PTPRT: variants seen among roughly 807,000 people sequenced by gnomAD.
The protein encoded by PTPRT is receptor-type tyrosine-protein phosphatase T.
Under a neutral mutation model 176.8 loss-of-function variants are expected in PTPRT, and 56 were observed. The observed-to-expected ratio is 0.32, with a 90% CI of 0.26 to 0.40. The LOEUF (loss-of-function observed/expected upper bound fraction) is 0.40. Ranked by LOEUF, PTPRT falls within the 10% of genes least tolerant of loss-of-function variation. PTPRT has a pLI of 1.00. For synonymous variants in PTPRT, 783 were observed against 739.0 expected (o/e 1.06, Z -0.96); for missense variants, 1,540 against 1,908.2 (o/e 0.81, Z 3.60).
chr20:42,533,381 G>A (rs916322919), intron 7 of PTPRT, among the ~76,000 whole-genome samples: 1 of 152,170 alleles, frequency 6.6e-6, no homozygotes, highest in South Asian at 2.1e-4. Context: ...TCTCTCTCAG[G>A]AATCTTGATC....
At chr20:42,630,769 G>C (rs1174576273) in intron 7 of PTPRT, among the ~76,000 whole-genome samples, 1 of 152,156 alleles carries the variant, frequency 6.6e-6, no homozygotes, top group African/African-American at 2.4e-5. Flanking sequence ...TGCCATGCAG[G>C]CCTAAGTGAA....
intron 1 of PTPRT, among the ~76,000 whole-genome samples, chr20:43,115,172 T>C (rs2013010286): frequency 6.6e-6 from 1 of 152,192 alleles, no homozygotes; most frequent in Admixed American, 6.5e-5. Flanking sequence ...GAGAAGGACA[T>C]GGCCTCCTCC....
At chr20:42,313,414 G>A (rs2057666587) in intron 12 of PTPRT, among the ~76,000 whole-genome samples, 1 of 152,004 alleles carries the variant, frequency 6.6e-6, no homozygotes, top group African/African-American at 2.4e-5. Context: ...CTTGGAGTCT[G>A]GATCAGGACC....
intron 6 of PTPRT, among the ~76,000 whole-genome samples, chr20:42,692,154 T>A (rs1156817423): frequency 6.6e-6 from 1 of 152,160 alleles, no homozygotes; most frequent in African/African-American, 2.4e-5. Context: ...TTTACACAAA[T>A]TATTTCAGAG....
In PTPRT at chr20:42,448,338, T is replaced by G; in HGVS notation, c.1451-9A>C. 6.3e-7 allele frequency: 1 copy of G among 1,596,358 alleles called. No individual in the cohort carries two copies. The highest frequency in any genetic ancestry group is 8.6e-7 in the Non-Finnish European group (1 of 1,164,034). On this transcript the variant is annotated splice_polypyrimidine_tract_variant and intron_variant, in intron 8 of 30. Coordinates refer to ENST00000373187, the MANE Select transcript of PTPRT (RefSeq NM_007050.6). ...AGGAACAGCTCCTGGAACTACAGAA[T>G]GGAAAAGTTATGAACTTGATGTCAC...
intron 2 of PTPRT, among the ~76,000 whole-genome samples, chr20:42,880,899 T>C (rs1331529195): frequency 6.6e-6 from 1 of 152,202 alleles, no homozygotes; most frequent in African/African-American, 2.4e-5. Context: ...CAAATAACAG[T>C]AGGTGTGTGT....
chr20:43,142,354 G>A (rs6065581), intron 1 of PTPRT, among the ~76,000 whole-genome samples: 66,914 of 152,118 alleles, frequency 0.44, 16,351 homozygotes, highest in Non-Finnish European at 0.56. Context: ...CCCCGGGCAG[G>A]ATTTGAAAGT....
At chr20:42,899,703 C>T (rs898528445) in intron 1 of PTPRT, among the ~76,000 whole-genome samples, 2 of 152,244 alleles carry the variant, frequency 1.3e-5, no homozygotes, top group East Asian at 1.9e-4. Flanking sequence ...GAGCCTAGTA[C>T]TTTAACTCTT....
At chr20:42,805,514 G>A (rs775198916) in intron 2 of PTPRT, among the ~76,000 whole-genome samples, 13 of 152,138 alleles carry the variant, frequency 8.5e-5, no homozygotes, top group Admixed American at 2.6e-4. Flanking sequence ...TGTAGGCCCC[G>A]GGAGTACAGC....
At chr20:43,186,019 G>A (rs189512933) in intron 1 of PTPRT, among the ~76,000 whole-genome samples, 6 of 152,148 alleles carry the variant, frequency 3.9e-5, no homozygotes, top group Admixed American at 1.3e-4. Context: ...TGCCCCACCC[G>A]CCTTGGCCTG....
Position 42,395,040 on chromosome 20 carries a change from A to C in PTPRT, c.1561-42755T>G, listed in dbSNP as rs561339665. ...TCTGCTGGACAAGTGTGAGGAAAGC[A>C]GTGACCCATGCTAACTGGTCTCGTT... is the stretch of plus-strand genomic sequence containing the variant. On this transcript the variant is annotated intron_variant, in intron 9 of 30. Coordinates refer to ENST00000373187, the MANE Select transcript of PTPRT (RefSeq NM_007050.6). 3.0e-4 allele frequency among the ~76,000 whole-genome samples: 46 copies of C among 152,304 alleles called. 1 individual carries two copies. The South Asian group carries it at 8.3e-3, about 27-fold the overall frequency.
At chr20:43,051,909 A>C (rs1453039429) in intron 1 of PTPRT, among the ~76,000 whole-genome samples, 1 of 152,230 alleles carries the variant, frequency 6.6e-6, no homozygotes, top group Non-Finnish European at 1.5e-5. Context: ...GAAAACAATT[A>C]TCAAAAAAAA....
intron 1 of PTPRT, among the ~76,000 whole-genome samples, chr20:42,953,136 G>A (rs1449113098): frequency 2.0e-5 from 3 of 152,206 alleles, no homozygotes; most frequent in African/African-American, 4.8e-5. Context: ...AGTTCTGAGG[G>A]TGGAGGAAAG....
At chr20:42,554,703 C>T (rs1252447339) in intron 7 of PTPRT, among the ~76,000 whole-genome samples, 6 of 152,096 alleles carry the variant, frequency 3.9e-5, no homozygotes, top group Admixed American at 3.9e-4. Flanking sequence ...AATCATTAAG[C>T]ATCATTGGAA....
chr20:42,265,581 T>G (rs771211722), intron 13 of PTPRT, among the ~76,000 whole-genome samples: 2 of 152,194 alleles, frequency 1.3e-5, no homozygotes, highest in African/African-American at 2.4e-5. Context: ...CCCCTGCCTC[T>G]GCTGCCTGTC....
intron 8 of PTPRT, among the ~76,000 whole-genome samples, chr20:42,465,133 T>C (rs2071082441): frequency 7.3e-6 from 1 of 136,352 alleles, no homozygotes; most frequent in Non-Finnish European, 1.6e-5. Context: ...TTTCCTTATT[T>C]GTAAAATAGA....
At chr20:42,490,628 T>C in intron 7 of PTPRT, among the ~76,000 whole-genome samples, 1 of 152,168 alleles carries the variant, frequency 6.6e-6, no homozygotes, top group East Asian at 1.9e-4. Context: ...AAAAGGATTA[T>C]CATATCATCT....
chr20:42,939,758 A>T (rs1239182432), intron 1 of PTPRT, among the ~76,000 whole-genome samples: 1 of 152,218 alleles, frequency 6.6e-6, no homozygotes, highest in Non-Finnish European at 1.5e-5. Flanking sequence ...AAATGATATT[A>T]TTATTAATGA....
At chr20:42,802,284 A>T (rs1236539457) in intron 2 of PTPRT, among the ~76,000 whole-genome samples, 1 of 152,224 alleles carries the variant, frequency 6.6e-6, no homozygotes, top group Non-Finnish European at 1.5e-5. Context: ...ATTTGGGCGA[A>T]TCAACAAATG....
Sources: gnomAD v4.1 joint callset for allele counts (sites outside exome capture counted in the v4.1 genomes callset) on GRCh38, gnomAD v4.1.1 for gene constraint, MANE v1.5 for transcripts, NCBI Gene and HGNC (gene_info 2026-07-23, HGNC 2026-07-21) for gene names.